The following CALN1 variants were observed in gnomAD, a reference collection of about 807,000 sequenced individuals.
The protein encoded by CALN1 is calcium-binding protein 8.
CALN1 carries 17 observed loss-of-function variants against 30.6 expected under a neutral mutation model. The ratio of observed to expected loss-of-function variants is 0.56; its 90% confidence interval spans 0.38 to 0.83. The LOEUF is 0.83. Among genes scored for constraint, CALN1 ranks in the 40% least tolerant of loss-of-function variants. The pLI is 0.00. For missense variants in CALN1, 291 were observed against 354.9 expected, an observed-to-expected ratio of 0.82 and a Z score of 1.45; for synonymous variants, 156 against 131.4, an observed-to-expected ratio of 1.19 and a Z score of -1.28.
At chr7:72,391,263 G>A (rs771002762) in intron 2 of CALN1, among the ~76,000 whole-genome samples, 6 of 152,164 alleles carry the variant, frequency 3.9e-5, no homozygotes, top group Non-Finnish European at 8.8e-5. Flanking sequence ...GGCTAAGATG[G>A]TACAAAGCCC....
At chr7:71,811,640 A>T (rs1787961959) in intron 5 of CALN1, among the ~76,000 whole-genome samples, 1 of 148,500 alleles carries the variant, frequency 6.7e-6, no homozygotes, top group African/African-American at 2.5e-5. Context: ...TTTCCACTCC[A>T]TTTATATTAG....
chr7:71,953,942 A>G (rs963672998), intron 5 of CALN1, among the ~76,000 whole-genome samples: 1 of 152,172 alleles, frequency 6.6e-6, no homozygotes, highest in Non-Finnish European at 1.5e-5. Context: ...TGTGGACAAA[A>G]AAAACATGAT....
intron 2 of CALN1, among the ~76,000 whole-genome samples, chr7:72,342,871 C>A (rs1377954179): frequency 6.6e-6 from 1 of 152,016 alleles, no homozygotes. Flanking sequence ...AAAAATCATT[C>A]AAAAAATACA....
chr7:72,327,950 G>A (rs1801393099), intron 2 of CALN1, among the ~76,000 whole-genome samples: 1 of 152,038 alleles, frequency 6.6e-6, no homozygotes. Context: ...ACTTCTTACA[G>A]CAATACCTCA....
chr7:71,847,521 A>C (rs951347924), intron 5 of CALN1, among the ~76,000 whole-genome samples: 35 of 151,298 alleles, frequency 2.3e-4, no homozygotes, highest in Admixed American at 8.6e-4. Context: ...AAAACCAAAA[A>C]CAAAAAAAAA....
At chr7:72,221,314 T>C (rs1466905451) in intron 3 of CALN1, among the ~76,000 whole-genome samples, 1 of 61,276 alleles carries the variant, frequency 1.6e-5, no homozygotes, top group Non-Finnish European at 4.6e-5. Flanking sequence ...CTTGGCTTCT[T>C]TTTTTTTTTT....
chr7:72,163,492 G>T (rs1788290250), intron 3 of CALN1, among the ~76,000 whole-genome samples: 1 of 151,272 alleles, frequency 6.6e-6, no homozygotes, highest in Non-Finnish European at 1.5e-5. Context: ...TGGCAGATAA[G>T]GACTTTAAAA....
chr7:72,148,144 G>GAA (rs34363697), intron 3 of CALN1, among the ~76,000 whole-genome samples: 17 of 131,516 alleles, frequency 1.3e-4, no homozygotes, highest in East Asian at 8.6e-4. Context: ...CAAACAAACA[G>GAA]AAAAAAAAAA....
chr7:72,374,825 C>T (rs933046184), intron 2 of CALN1, among the ~76,000 whole-genome samples: 4 of 152,058 alleles, frequency 2.6e-5, no homozygotes, highest in African/African-American at 9.7e-5. Context: ...AAATTATTAC[C>T]ACATATTTTG....
At chr7:72,115,395 T>C (rs896312150) in intron 3 of CALN1, among the ~76,000 whole-genome samples, 14 of 150,204 alleles carry the variant, frequency 9.3e-5, no homozygotes, top group South Asian at 4.2e-4. Flanking sequence ...TTTTTAATAT[T>C]TTTAATTAAG....
intron 4 of CALN1, among the ~76,000 whole-genome samples, chr7:72,087,863 C>G (rs1419669010): frequency 1.3e-5 from 2 of 152,076 alleles, no homozygotes; most frequent in East Asian, 3.9e-4. Context: ...AAAACTCGGT[C>G]TAAAAATTGA....
intron 3 of CALN1, among the ~76,000 whole-genome samples, chr7:72,210,991 C>G (rs1792350906): frequency 6.6e-6 from 1 of 151,960 alleles, no homozygotes; most frequent in Non-Finnish European, 1.5e-5. Flanking sequence ...GAGTTCAAGG[C>G]TGTAGTGAGC....
At chr7:72,190,957 A>G (rs1389511451) in intron 3 of CALN1, among the ~76,000 whole-genome samples, 1 of 152,146 alleles carries the variant, frequency 6.6e-6, no homozygotes, top group African/African-American at 2.4e-5. Context: ...TCAAATACAC[A>G]TTCCCATTTC....
intron 6 of CALN1, among the ~76,000 whole-genome samples, chr7:71,789,039 G>C (rs1562778154): frequency 6.6e-6 from 1 of 152,112 alleles, no homozygotes; most frequent in Non-Finnish European, 1.5e-5. Context: ...CTGAGCTCAA[G>C]CCACCCTCCT....
intron 4 of CALN1, among the ~76,000 whole-genome samples, chr7:72,041,558 AT>A (rs1802129437): frequency 6.6e-6 from 1 of 151,830 alleles, no homozygotes; most frequent in South Asian, 2.1e-4. Flanking sequence ...TAATTTTTGT[AT>A]TTTTAGTAGA....
In CALN1 at chr7:72,023,878, T is replaced by G. The variant is rs844786; in HGVS notation, c.389-109A>C. 6.0e-3 allele frequency: 4,028 copies of G among 668,352 alleles called. 134 individuals are homozygous for G. In the African/African-American group the frequency reaches 0.066, roughly 11 times the overall value. 41.4% of individuals were successfully genotyped at this position (668,352 alleles called of 1,614,324 possible). A position where few individuals can be genotyped will look rare whatever the true frequency, so the allele number is the denominator to read the frequency against. On this transcript the variant is annotated intron_variant, in intron 4 of 6. Coordinates refer to ENST00000395275, the MANE Select transcript of CALN1 (RefSeq NM_031468.4). Reference sequence around the variant, plus strand: ...TTCTTCTTGGCATGACCTCAATCAATGAAGAAGAGCTGGTAACATTACTTA... The same window carrying G: ...TTCTTCTTGGCATGACCTCAATCAAGGAAGAAGAGCTGGTAACATTACTTA...
chr7:72,047,356 T>C (rs1802535600), intron 4 of CALN1, among the ~76,000 whole-genome samples: 1 of 152,042 alleles, frequency 6.6e-6, no homozygotes, highest in South Asian at 2.1e-4. Context: ...TTCAGCACTT[T>C]GGGAGATCGA....
intron 5 of CALN1, among the ~76,000 whole-genome samples, chr7:71,922,731 A>AATATATTATATATAAATATATAACAGACC (rs1795025995): frequency 7.2e-6 from 1 of 138,612 alleles, no homozygotes; most frequent in East Asian, 2.0e-4. Flanking sequence ...TATAACATAC[A>AATATATTATATATAAATATATAACAGACC]GAATATATTA....
At chr7:72,228,242 A>G (rs1044563899) in intron 3 of CALN1, among the ~76,000 whole-genome samples, 1 of 151,968 alleles carries the variant, frequency 6.6e-6, no homozygotes, top group African/African-American at 2.4e-5. Context: ...TCCAGGGACT[A>G]GAAGACTTAC....
Sources: allele counts gnomAD v4.1 joint callset (sites outside exome capture counted in the v4.1 genomes callset), GRCh38; gene constraint gnomAD v4.1.1; transcripts MANE v1.5; gene names NCBI Gene and HGNC (gene_info 2026-07-23, HGNC 2026-07-21).